The following ABLIM2 variants were observed in gnomAD, a reference collection of about 807,000 sequenced individuals.
ABLIM2 encodes actin binding LIM protein family member 2, also known as actin-binding LIM protein 2.
ABLIM2 carries 53 observed loss-of-function variants against 97.7 expected under a neutral mutation model. That is an observed-to-expected ratio of 0.54 (90% CI 0.44 to 0.68). ABLIM2 has a LOEUF of 0.68. ABLIM2 is among the 30% of genes least tolerant of loss of function. The pLI, the probability that ABLIM2 is intolerant of heterozygous loss-of-function variation, is 0.00. For missense variants in ABLIM2, 835 were observed against 867.2 expected, an observed-to-expected ratio of 0.96 and a Z score of 0.47; for synonymous variants, 361 against 345.8, an observed-to-expected ratio of 1.04 and a Z score of -0.49.
intron 6 of ABLIM2, among the ~76,000 whole-genome samples, chr4:8,074,406 T>C (rs2152375667): frequency 6.6e-6 from 1 of 152,282 alleles, no homozygotes; most frequent in East Asian, 1.9e-4. Context: ...GAGCTATGAC[T>C]TCATCACTGC....
In ABLIM2 at chr4:8,004,696, C is replaced by A. The variant is rs1021055342; in HGVS notation, c.1618+3363G>T. Among the ~76,000 whole-genome samples the A allele has an allele frequency of 1.3e-5, 2 of 152,210 alleles. No homozygotes were observed. The highest frequency in any genetic ancestry group is 2.9e-5 in the Non-Finnish European group (2 of 68,034). On this transcript the variant is annotated intron_variant, in intron 16 of 20. Coordinates refer to ENST00000447017, the MANE Select transcript of ABLIM2 (RefSeq NM_001130083.2). The surrounding 1 kb of genome is among the most constrained non-coding windows in gnomAD (Gnocchi z 5.9). ...ACCACCTTGTGTTCCTCCCCCAAGG[C>A]AGCGAGTCTTGTTCTAGAAAACTTC...
rs1333690115 is a variant in ABLIM2 at position 7,970,261 on chromosome 4, G to T, written c.1825-3158C>A. On this transcript the variant is annotated intron_variant, in intron 20 of 20. Transcript: ENST00000447017. This position sits in a 1 kb window ranked among gnomAD's most constrained non-coding sequence, Gnocchi z 5.3. Reference sequence around the variant, plus strand: ...GAAGGGCGAGGAGAGTTCAGTGCTGGTGCCTGGGGCAGGCCTCCCTGTGGC... The same window carrying T: ...GAAGGGCGAGGAGAGTTCAGTGCTGTTGCCTGGGGCAGGCCTCCCTGTGGC... Among the ~76,000 whole-genome samples the T allele has an allele frequency of 1.3e-5, 2 of 152,102 alleles. No homozygotes were observed. The highest frequency in any genetic ancestry group is 2.9e-5 in the Non-Finnish European group (2 of 68,026).
chr4:8,123,725 G>A lies in ABLIM2; in HGVS notation c.11-17088C>T, dbSNP rs1438016783. Reference sequence around the variant, plus strand: ...GACAGGGTCCGGCTCACACACCAAAGCCTGTGGGTCTACACATGGGCAGGC... The same window carrying A: ...GACAGGGTCCGGCTCACACACCAAAACCTGTGGGTCTACACATGGGCAGGC... On this transcript the variant is annotated intron_variant, in intron 1 of 20. Transcript: ENST00000447017. This position sits in a 1 kb window ranked among gnomAD's most constrained non-coding sequence, Gnocchi z 6.2. 6.6e-6 allele frequency among the ~76,000 whole-genome samples: 1 copy of A among 152,112 alleles called. No individual in the cohort carries two copies. The highest frequency in any genetic ancestry group is 1.5e-5 in the Non-Finnish European group (1 of 68,026).
chr4:8,131,667 G>A (rs1159846960), intron 1 of ABLIM2, among the ~76,000 whole-genome samples: 2 of 122,376 alleles, frequency 1.6e-5, no homozygotes, highest in Non-Finnish European at 3.5e-5. Flanking sequence ...ACAGCATCCC[G>A]CATCCCTGAG....
Position 8,122,067 on chromosome 4 carries a change from G to T in ABLIM2, c.11-15430C>A, listed in dbSNP as rs1412476020. On this transcript the variant is annotated intron_variant, in intron 1 of 20. Coordinates refer to ENST00000447017, the MANE Select transcript of ABLIM2 (RefSeq NM_001130083.2). This position sits in a 1 kb window ranked among gnomAD's most constrained non-coding sequence, Gnocchi z 4.1. ...AGCTGCTGTGGTACATGTCCCCAGT[G>T]CAGGGACCTGGCAGGCTAGGGGACC... Among the ~76,000 whole-genome samples the T allele has an allele frequency of 6.6e-6, 1 of 152,212 alleles. No homozygotes were observed. The highest frequency in any genetic ancestry group is 6.5e-5 in the Admixed American group (1 of 15,286).
At chr4:7,975,703 G>T (rs1732467866) in intron 20 of ABLIM2, among the ~76,000 whole-genome samples, 1 of 152,126 alleles carries the variant, frequency 6.6e-6, no homozygotes, top group South Asian at 2.1e-4. Context: ...AAGTCACGTG[G>T]CCAAACAATA....
Position 8,075,366 on chromosome 4 carries a change from T to C in ABLIM2, c.675+2262A>G, listed in dbSNP as rs2152386930. On this transcript the variant is annotated intron_variant, in intron 6 of 20. Coordinates refer to ENST00000447017, the MANE Select transcript of ABLIM2 (RefSeq NM_001130083.2). This position sits in a 1 kb window ranked among gnomAD's most constrained non-coding sequence, Gnocchi z 4.4. Reference sequence around the variant, plus strand: ...ACTGTTCTAAAATTGACTGTGGAGATGGCTGCAAATATCTATGGTTATTGA... The same window carrying C: ...ACTGTTCTAAAATTGACTGTGGAGACGGCTGCAAATATCTATGGTTATTGA... Among the ~76,000 whole-genome samples the C allele has an allele frequency of 1.3e-5, 2 of 152,276 alleles. No individual in the cohort carries two copies.
intron 8 of ABLIM2, among the ~76,000 whole-genome samples, chr4:8,052,598 A>G (rs1465037957): frequency 6.6e-6 from 1 of 152,254 alleles, no homozygotes; most frequent in Non-Finnish European, 1.5e-5. Flanking sequence ...CTAGGAGAGC[A>G]TCAGGGACAC....
chr4:8,061,075 A>T lies in ABLIM2; in HGVS notation c.676-21T>A. 6.4e-7 allele frequency: 1 copy of T among 1,566,012 alleles called. No homozygotes were observed. The highest frequency in any genetic ancestry group is 8.7e-7 in the Non-Finnish European group (1 of 1,154,666). On this transcript the variant is annotated intron_variant, in intron 6 of 20. Coordinates refer to ENST00000447017, the MANE Select transcript of ABLIM2 (RefSeq NM_001130083.2). This position sits in a 1 kb window ranked among gnomAD's most constrained non-coding sequence, Gnocchi z 4.5. ...CCGGCCTGTAAGAAAAGCACAAAGC[A>T]GAATGTTTCTACTAAAGCCAGAAAG...
At position 8,113,827 on chromosome 4, in the gene ABLIM2, C is replaced by T. The variant is rs375307669; in HGVS notation, c.11-7190G>A. The stretch of plus-strand genomic sequence containing the variant: ...TCCAGAGGTCCCGGCTCACCCAGAG[C>T]GGGTCACAGGACACACAGTTCCAGC... On this transcript the variant is annotated intron_variant, in intron 1 of 20. Transcript: ENST00000447017. This position sits in a 1 kb window ranked among gnomAD's most constrained non-coding sequence, Gnocchi z 4.5. Among the ~76,000 whole-genome samples the T allele has an allele frequency of 1.6e-4, 25 of 152,230 alleles. No homozygotes were observed. The highest frequency in any genetic ancestry group is 4.8e-4 in the African/African-American group (20 of 41,472).
At position 8,125,564 on chromosome 4, in the gene ABLIM2, G is replaced by A. The variant is rs1160841339; in HGVS notation, c.11-18927C>T. ...CCATCTACCACAGTCGATCTGCAGT[G>A]CTGATGGCCACAGGTTTGCATGGGG... is the stretch of plus-strand genomic sequence containing the variant. On this transcript the variant is annotated intron_variant, in intron 1 of 20. Coordinates refer to ENST00000447017, the MANE Select transcript of ABLIM2 (RefSeq NM_001130083.2). This position sits in a 1 kb window ranked among gnomAD's most constrained non-coding sequence, Gnocchi z 6.2. Among the ~76,000 whole-genome samples the A allele has an allele frequency of 6.6e-6, 1 of 152,208 alleles. No individual in the cohort carries two copies. The highest frequency in any genetic ancestry group is 1.5e-5 in the Non-Finnish European group (1 of 68,034).
In ABLIM2 at chr4:7,995,533, A is replaced by G. The variant is rs116077709; in HGVS notation, c.1619-2606T>C. 3.9e-3 allele frequency among the ~76,000 whole-genome samples: 596 copies of G among 152,300 alleles called. 3 individuals are homozygous for G. The highest frequency in any genetic ancestry group is 0.014 in the African/African-American group (572 of 41,562). ...GGGGCCTTTCATTTGGGGGTTCCTC[A>G]TGGACTCAATGAGGACAGAGAAGAA... is the stretch of plus-strand genomic sequence containing the variant. On this transcript the variant is annotated intron_variant, in intron 16 of 20. Coordinates refer to ENST00000447017, the MANE Select transcript of ABLIM2 (RefSeq NM_001130083.2).
chr4:8,014,538 G>A (rs767335612), intron 14 of ABLIM2, among the ~76,000 whole-genome samples: 6 of 152,208 alleles, frequency 3.9e-5, no homozygotes, highest in South Asian at 2.1e-4. Context: ...CAGCATGGGC[G>A]TTGGAAACTA....
At chr4:8,117,554 G>A (rs562007297) in intron 1 of ABLIM2, among the ~76,000 whole-genome samples, 21 of 150,536 alleles carry the variant, frequency 1.4e-4, no homozygotes, top group Non-Finnish European at 2.2e-4. Flanking sequence ...CCACCCACCA[G>A]AGGCTCCACC....
At chr4:7,993,453 G>C (rs192592466) in intron 16 of ABLIM2, among the ~76,000 whole-genome samples, 1 of 152,228 alleles carries the variant, frequency 6.6e-6, no homozygotes, top group Non-Finnish European at 1.5e-5. Context: ...GGAGGCCAAG[G>C]TGGGAAAATC....
intron 2 of ABLIM2, among the ~76,000 whole-genome samples, chr4:8,098,910 A>G (rs921625679): frequency 6.6e-6 from 1 of 152,320 alleles, no homozygotes; most frequent in South Asian, 2.1e-4. Flanking sequence ...ATTCTGTCTC[A>G]AGGTAAAAAT....
chr4:8,039,264 C>A (rs57503246), intron 9 of ABLIM2, among the ~76,000 whole-genome samples: 1 of 152,104 alleles, frequency 6.6e-6, no homozygotes, highest in Non-Finnish European at 1.5e-5. Context: ...TCCCCACCTC[C>A]GTCCCCTCCA....
intron 1 of ABLIM2, among the ~76,000 whole-genome samples, chr4:8,153,523 G>C (rs975389626): frequency 2.7e-5 from 4 of 150,854 alleles, no homozygotes; most frequent in African/African-American, 2.5e-5. Flanking sequence ...TTCTGGGTCA[G>C]GGGGGTCTGG....
rs187439328 is a variant in ABLIM2 at position 8,109,056 on chromosome 4, G to A, written c.11-2419C>T. 7.2e-3 allele frequency among the ~76,000 whole-genome samples: 1,104 copies of A among 152,336 alleles called. 9 individuals are homozygous for A. The highest frequency in any genetic ancestry group is 0.014 in the Middle Eastern group (4 of 294). On this transcript the variant is annotated intron_variant, in intron 1 of 20. Coordinates refer to ENST00000447017, the MANE Select transcript of ABLIM2 (RefSeq NM_001130083.2). ...TCACTGGGGCCGTCCAGGAAACCCC[G>A]CGTAGCATGTCCCAGCTCATCCCGT...
Sources: allele counts gnomAD v4.1 joint callset (sites outside exome capture counted in the v4.1 genomes callset), GRCh38; gene constraint gnomAD v4.1.1; non-coding constraint Gnocchi (gnomAD v3.1); transcripts MANE v1.5; gene names NCBI Gene and HGNC (gene_info 2026-07-23, HGNC 2026-07-21).